Variants in CDYL2 observed in about 807,000 individuals in gnomAD.
CDYL2 encodes the protein chromodomain Y-like protein 2.
CDYL2 carries 23 observed loss-of-function variants against 49.4 expected under a neutral mutation model. That is an observed-to-expected ratio of 0.47 (90% CI 0.34 to 0.66). The LOEUF is 0.66. CDYL2 is among the 30% of genes least tolerant of loss of function. The pLI is 0.01. For synonymous variants in CDYL2, 360 were observed against 268.8 expected (o/e 1.34, Z -3.32); for missense variants, 678 against 656.4 (o/e 1.03, Z -0.36).
chr16:80,748,965 C>T (rs80052429), intron 1 of CDYL2, among the ~76,000 whole-genome samples: 1,810 of 152,120 alleles, frequency 0.012, 23 homozygotes, highest in African/African-American at 0.021. Flanking sequence ...TTGAATATTA[C>T]CATCGAGAAC....
At chr16:80,754,243 GA>G (rs1438101662) in intron 1 of CDYL2, among the ~76,000 whole-genome samples, 2 of 152,132 alleles carry the variant, frequency 1.3e-5, no homozygotes, top group African/African-American at 4.8e-5. Context: ...ATCAGCAAAG[GA>G]GGTGAAAATA....
intron 1 of CDYL2, among the ~76,000 whole-genome samples, chr16:80,792,572 A>G (rs1370904475): frequency 6.6e-6 from 1 of 152,176 alleles, no homozygotes; most frequent in Admixed American, 6.5e-5. Flanking sequence ...TTTCAAGGGA[A>G]GCACCAACAA....
chr16:80,634,192 T>TGC (rs140197772), intron 2 of CDYL2, among the ~76,000 whole-genome samples: 8,922 of 152,062 alleles, frequency 0.059, 799 homozygotes, highest in African/African-American at 0.2. Context: ...TAAAGACATA[T>TGC]ACACATATGT....
At chr16:80,677,472 C>A (rs190150709) in intron 2 of CDYL2, among the ~76,000 whole-genome samples, 1 of 152,148 alleles carries the variant, frequency 6.6e-6, no homozygotes, top group African/African-American at 2.4e-5. Context: ...GGCGCAGTGG[C>A]GCACGCCTGG....
At chr16:80,707,160 T>TA (rs1203111683) in intron 1 of CDYL2, among the ~76,000 whole-genome samples, 1 of 152,112 alleles carries the variant, frequency 6.6e-6, no homozygotes, top group African/African-American at 2.4e-5. Flanking sequence ...AGAAAATTTT[T>TA]AGACAATAAA....
At chr16:80,616,591 G>T (rs1021875151) in intron 4 of CDYL2, among the ~76,000 whole-genome samples, 1 of 152,176 alleles carries the variant, frequency 6.6e-6, no homozygotes, top group African/African-American at 2.4e-5. Context: ...AGCCAAGTCA[G>T]CCAGTACGGG....
intron 1 of CDYL2, among the ~76,000 whole-genome samples, chr16:80,733,683 G>A (rs1229591982): frequency 1.1e-4 from 17 of 152,176 alleles, no homozygotes; most frequent in Admixed American, 1.1e-3. Context: ...AAAGGAAGCT[G>A]CCCATAGGTG....
chr16:80,638,280 G>A (rs1033371085), intron 2 of CDYL2, among the ~76,000 whole-genome samples: 2 of 152,126 alleles, frequency 1.3e-5, no homozygotes, highest in African/African-American at 4.8e-5. Context: ...TCACTATGTT[G>A]CCTAGGCTGG....
chr16:80,729,208 T>C (rs189444396), intron 1 of CDYL2, among the ~76,000 whole-genome samples: 30 of 152,250 alleles, frequency 2.0e-4, no homozygotes, highest in African/African-American at 6.0e-4. Context: ...GGAAACCCAT[T>C]TCACGTGCAG....
intron 4 of CDYL2, among the ~76,000 whole-genome samples, chr16:80,617,818 G>C (rs781698893): frequency 1.3e-5 from 2 of 152,116 alleles, no homozygotes; most frequent in Non-Finnish European, 2.9e-5. Flanking sequence ...AGAATCTTGC[G>C]TTTCTCTTAG....
At chr16:80,730,878 T>G (rs903312917) in intron 1 of CDYL2, among the ~76,000 whole-genome samples, 13 of 152,184 alleles carry the variant, frequency 8.5e-5, no homozygotes, top group Non-Finnish European at 1.0e-4. Flanking sequence ...ATGATCACAT[T>G]TATATAAAAT....
intron 1 of CDYL2, among the ~76,000 whole-genome samples, chr16:80,752,966 T>C (rs1906186683): frequency 1.3e-5 from 2 of 152,270 alleles, no homozygotes; most frequent in South Asian, 4.1e-4. Flanking sequence ...ACAGAAAGAA[T>C]ATGTGAGTTG....
intron 2 of CDYL2, chr16:80,662,706 T>C (rs1469241202): frequency 4.4e-6 from 2 of 455,466 alleles, no homozygotes; most frequent in East Asian, 1.4e-4. Flanking sequence ...ATTGAAATTT[T>C]AATTTTTTAA....
At position 80,804,143 on chromosome 16, in the gene CDYL2, C is replaced by G. The variant is rs1366727467; in HGVS notation, c.24+7G>C. ...TGGGGCCGGCCCGCGCCCCCGCGTC[C>G]CCGTACCTCGTAAAGGTCCCCAGAA... On this transcript the variant is annotated splice_region_variant and intron_variant, in intron 1 of 6. Transcript: ENST00000570137. The G allele has an allele frequency of 4.0e-6, 5 of 1,243,420 alleles. No homozygotes were observed. The highest frequency in any genetic ancestry group is 5.2e-6 in the Non-Finnish European group (5 of 961,084). The allele number at this position is 1,243,420 out of a possible 1,614,324, so 77.0% of individuals were successfully genotyped here.
chr16:80,800,779 G>A (rs955156618), intron 1 of CDYL2, among the ~76,000 whole-genome samples: 3 of 152,122 alleles, frequency 2.0e-5, no homozygotes, highest in Non-Finnish European at 2.9e-5. Context: ...CAGTCAACAA[G>A]TAATTGAACG....
chr16:80,768,333 A>C (rs1906793968), intron 1 of CDYL2, among the ~76,000 whole-genome samples: 1 of 152,170 alleles, frequency 6.6e-6, no homozygotes, highest in Admixed American at 6.5e-5. Context: ...ACTATCCCCA[A>C]CATCAACACC....
intron 3 of CDYL2, among the ~76,000 whole-genome samples, chr16:80,632,317 G>T (rs1364070859): frequency 6.6e-6 from 1 of 152,152 alleles, no homozygotes; most frequent in Non-Finnish European, 1.5e-5. Context: ...AGACACAAAA[G>T]GCTACAAACT....
intron 2 of CDYL2, among the ~76,000 whole-genome samples, chr16:80,645,576 G>T (rs533626585): frequency 6.6e-6 from 1 of 152,250 alleles, no homozygotes; most frequent in African/African-American, 2.4e-5. Context: ...AGACAGTGTG[G>T]CGATTCCTCA....
chr16:80,678,356 T>C (rs1001008400), intron 2 of CDYL2, among the ~76,000 whole-genome samples: 2 of 152,096 alleles, frequency 1.3e-5, no homozygotes, highest in African/African-American at 4.8e-5. Context: ...TTTCGCAACC[T>C]ACTCATCTGA....
Sources: gnomAD v4.1 joint callset for allele counts (sites outside exome capture counted in the v4.1 genomes callset) on GRCh38, gnomAD v4.1.1 for gene constraint, MANE v1.5 for transcripts, NCBI Gene and HGNC (gene_info 2026-07-23, HGNC 2026-07-21) for gene names.